The following C10orf67 variants were observed in gnomAD, a reference collection of about 807,000 sequenced individuals.
C10orf67 encodes the protein chromosome 10 open reading frame 67.
A neutral mutation model predicts 35.6 loss-of-function variants in C10orf67; 60 were observed. The observed-to-expected ratio is 1.68, with a 90% CI of 1.37 to 2.09. The LOEUF is 2.09. Ranked by LOEUF, C10orf67 falls within the 30% of genes most tolerant of loss-of-function variation. C10orf67 has a pLI of 0.00. For missense variants in C10orf67, 474 were observed against 330.2 expected (o/e 1.44, Z -3.38); for synonymous variants, 167 against 115.8 (o/e 1.44, Z -2.84).
chr10:23,315,019 T>C (rs753503047), intron 4 of C10orf67, among the ~76,000 whole-genome samples: 1 of 152,210 alleles, frequency 6.6e-6, no homozygotes, highest in Non-Finnish European at 1.5e-5. Context: ...AAAGTGTATA[T>C]AGCACTTCGT....
intron 3 of C10orf67, among the ~76,000 whole-genome samples, chr10:23,321,848 G>A (rs1270060026): frequency 1.3e-5 from 2 of 151,796 alleles, no homozygotes; most frequent in Non-Finnish European, 2.9e-5. Context: ...GTGCAGTGGT[G>A]TGATCATAGC....
At chr10:23,305,271 C>T (rs746608524) in intron 4 of C10orf67, among the ~76,000 whole-genome samples, 16 of 152,050 alleles carry the variant, frequency 1.1e-4, no homozygotes, top group East Asian at 3.9e-4. Flanking sequence ...CTCAATGAGA[C>T]GCAAGAGAAC....
intron 1 of C10orf67, among the ~76,000 whole-genome samples, chr10:23,340,485 A>C (rs1038520979): frequency 6.6e-6 from 1 of 151,968 alleles, no homozygotes; most frequent in Non-Finnish European, 1.5e-5. Flanking sequence ...ATACCACTGC[A>C]CTCCAGCCTG....
chr10:23,218,488 C>T (rs1000932441), intron 15 of C10orf67, among the ~76,000 whole-genome samples: 5 of 151,894 alleles, frequency 3.3e-5, no homozygotes, highest in Admixed American at 3.3e-4. Context: ...AATTATATGC[C>T]TCAAGTATTA....
At chr10:23,331,207 AGAG>A (rs1845448423) in intron 2 of C10orf67, among the ~76,000 whole-genome samples, 1 of 16,590 alleles carries the variant, frequency 6.0e-5, no homozygotes, top group Non-Finnish European at 1.3e-4. Context: ...AGGGAAGGGA[AGAG>A]GGAAGGGAAG....
At chr10:23,212,807 G>GAGAGAGAC (rs1169335383) in intron 15 of C10orf67, among the ~76,000 whole-genome samples, 2 of 151,618 alleles carry the variant, frequency 1.3e-5, no homozygotes, top group Non-Finnish European at 2.9e-5. Flanking sequence ...GAGAGAGAGA[G>GAGAGAGAC]AGAGAGAGAG....
intron 6 of C10orf67, 92 bp downstream of exon 6, chr10:23,291,040 C>G: frequency 5.0e-6 from 3 of 603,702 alleles, no homozygotes; most frequent in South Asian, 4.3e-5. Context: ...AATAACCAAA[C>G]GAATGTATGT....
At chr10:23,232,256 C>T (rs1429220379) in intron 13 of C10orf67, among the ~76,000 whole-genome samples, 1 of 151,968 alleles carries the variant, frequency 6.6e-6, no homozygotes, top group Non-Finnish European at 1.5e-5. Flanking sequence ...AATTTAGACT[C>T]GAGACAAAAT....
chr10:23,240,409 T>G (rs181157234), intron 12 of C10orf67, among the ~76,000 whole-genome samples: 56 of 152,308 alleles, frequency 3.7e-4, no homozygotes, highest in African/African-American at 1.3e-3. Context: ...GACATCTTAT[T>G]CTACCAGAAT....
chr10:23,285,039 C>T (rs1400036503), intron 7 of C10orf67, among the ~76,000 whole-genome samples: 2 of 152,108 alleles, frequency 1.3e-5, no homozygotes, highest in African/African-American at 2.4e-5. Context: ...GGAAAAAAAC[C>T]AGCAAATATC....
intron 13 of C10orf67, among the ~76,000 whole-genome samples, chr10:23,236,202 T>C (rs1337250752): frequency 7.2e-6 from 1 of 139,466 alleles, no homozygotes; most frequent in Non-Finnish European, 1.5e-5. Context: ...TGAGCTGAGA[T>C]TGCGCCACTG....
At chr10:23,290,113 C>T (rs915265682) in intron 6 of C10orf67, among the ~76,000 whole-genome samples, 155 bp from the exon 7 acceptor site, 56 of 152,200 alleles carry the variant, frequency 3.7e-4, no homozygotes, top group Admixed American at 3.4e-3. Flanking sequence ...CCTTGACATT[C>T]GCAGCCTTCT....
At chr10:23,288,744 A>G (rs1275336834) in intron 7 of C10orf67, among the ~76,000 whole-genome samples, 1 of 152,132 alleles carries the variant, frequency 6.6e-6, no homozygotes, top group African/African-American at 2.4e-5. Flanking sequence ...TGAATTCTTA[A>G]TTTTGTCTGA....
At chr10:23,239,043 A>T (rs1842113260) in intron 13 of C10orf67, among the ~76,000 whole-genome samples, 1 of 152,226 alleles carries the variant, frequency 6.6e-6, no homozygotes, top group Non-Finnish European at 1.5e-5. Flanking sequence ...AAGCAAAAAA[A>T]AAGAGCATAT....
intron 1 of C10orf67, among the ~76,000 whole-genome samples, chr10:23,341,121 TCTAA>T (rs1845866770): frequency 6.6e-6 from 1 of 152,202 alleles, no homozygotes; most frequent in Non-Finnish European, 1.5e-5. Flanking sequence ...CATAAACTTC[TCTAA>T]CTACACTCAC....
At chr10:23,214,143 A>C (rs1841376192) in intron 15 of C10orf67, among the ~76,000 whole-genome samples, 1 of 152,162 alleles carries the variant, frequency 6.6e-6, no homozygotes, top group African/African-American at 2.4e-5. Flanking sequence ...AATAGGAAGC[A>C]TTTAACATAG....
At chr10:23,313,716 C>T (rs1001793941) in intron 4 of C10orf67, among the ~76,000 whole-genome samples, 3 of 152,034 alleles carry the variant, frequency 2.0e-5, no homozygotes, top group African/African-American at 7.3e-5. Flanking sequence ...CAGGCGACGG[C>T]CCAGTATTGT....
intron 4 of C10orf67, among the ~76,000 whole-genome samples, chr10:23,304,499 T>C (rs1844201273): frequency 6.6e-6 from 1 of 152,090 alleles, no homozygotes; most frequent in Non-Finnish European, 1.5e-5. Context: ...CTCAGTCTGA[T>C]GGAGAAGCCT....
chr10:23,207,393 CTT>C (rs949097310), intron 15 of C10orf67, among the ~76,000 whole-genome samples: 1 of 152,126 alleles, frequency 6.6e-6, no homozygotes, highest in Non-Finnish European at 1.5e-5. Context: ...TGTACAAAAA[CTT>C]TTATTTTTTG....
Sources: allele counts gnomAD v4.1 joint callset (sites outside exome capture counted in the v4.1 genomes callset), GRCh38; gene constraint gnomAD v4.1.1; transcripts MANE v1.5; gene names NCBI Gene and HGNC (gene_info 2026-07-23, HGNC 2026-07-21).